Variants in MED14 observed in about 807,000 individuals in gnomAD.
MED14 encodes mediator of RNA polymerase II transcription subunit 14.
Under a neutral mutation model 109.0 loss-of-function variants are expected in MED14, and 8 were observed. The observed-to-expected ratio is 0.07, with a 90% CI of 0.04 to 0.13. The LOEUF is 0.13. Among genes scored for constraint, MED14 ranks in the 10% least tolerant of loss-of-function variants. The pLI, the probability that MED14 is intolerant of heterozygous loss-of-function variation, is 1.00. For synonymous variants in MED14, 399 were observed against 408.7 expected (o/e 0.98, Z 0.29); for missense variants, 711 against 1,142.4 (o/e 0.62, Z 5.44).
Position 40,703,447 on chromosome X carries a change from G to A in MED14, c.1408C>T (p.Leu470Phe). ...ATTATATCATTTAGTAACTTACCAA[G>A]TCCATAAAGCATCAATTGAAACATT... ...SGMFQLMLYG[L>F]DQATLDDMEK... is the part of the protein sequence containing the mutation. Residue 470 changes from leucine to phenylalanine, a missense_variant, in exon 11 of 31, where the codon CTT becomes TTT. Leu to Phe is a conservative substitution (Grantham distance 22). Coordinates refer to ENST00000324817, the MANE Select transcript of MED14 (RefSeq NM_004229.4). 1 of 1,190,889 alleles carries A rather than the reference G, an allele frequency of 8.4e-7. No individual in the cohort carries two copies. The highest frequency in any genetic ancestry group is 2.2e-5 in the Admixed American group (1 of 44,710).
At chrX:40,667,784 G>C (rs1432702407) in intron 23 of MED14, among the ~76,000 whole-genome samples, 1 of 112,337 alleles carries the variant, frequency 8.9e-6, no homozygotes, top group Non-Finnish European at 1.9e-5. Context: ...GAGAGGACTA[G>C]TGGCTTGGTA....
chrX:40,666,596 T>C, intron 24 of MED14, 124 bp downstream of exon 24: 1 of 729,316 alleles, frequency 1.4e-6, no homozygotes, highest in South Asian at 2.5e-5. Flanking sequence ...TCTTTTTGCT[T>C]GAGCAATATT....
chrX:40,669,797 T>C lies in MED14; in HGVS notation c.3133+2064A>G, dbSNP rs757614983. Among the ~76,000 whole-genome samples the C allele has an allele frequency of 3.6e-5, 4 of 111,865 alleles. No individual in the cohort carries two copies. The South Asian group carries it at 1.5e-3, about 41-fold the overall frequency. ...GCACAGTCTGCCTGAGATATCCTCC[T>C]TGTCCATGTCCCTGCACCTGGGTAA... On this transcript the variant is annotated intron_variant, in intron 23 of 30. Transcript: ENST00000324817.
At chrX:40,681,145 AAAC>A (rs1569285417) in intron 19 of MED14, among the ~76,000 whole-genome samples, 1 of 112,517 alleles carries the variant, frequency 8.9e-6, no homozygotes, top group Non-Finnish European at 1.9e-5. Flanking sequence ...AAAGGCGCTA[AAAC>A]AACTTTATTA....
At chrX:40,671,272 T>C (rs1416559361) in intron 23 of MED14, among the ~76,000 whole-genome samples, 1 of 111,358 alleles carries the variant, frequency 9.0e-6, no homozygotes, top group East Asian at 2.8e-4. Flanking sequence ...GCTCAAGAGA[T>C]ACCACTGAAT....
intron 16 of MED14, among the ~76,000 whole-genome samples, chrX:40,683,649 C>T (rs182391735): frequency 2.7e-5 from 3 of 111,967 alleles, no homozygotes; most frequent in Admixed American, 1.9e-4. Context: ...CAGGTGCACA[C>T]CACCAAGCCT....
intron 28 of MED14, among the ~76,000 whole-genome samples, chrX:40,658,487 C>T (rs184129231): frequency 9.0e-6 from 1 of 110,534 alleles, no homozygotes; most frequent in Admixed American, 9.7e-5. Context: ...TAAATTTATA[C>T]ATAAACCATC....
At position 40,735,483 on chromosome X, in the gene MED14, C is replaced by T; in HGVS notation, c.-71G>A. On this transcript the variant is annotated 5_prime_UTR_variant, in exon 1 of 31. Coordinates refer to ENST00000324817, the MANE Select transcript of MED14 (RefSeq NM_004229.4). ...TCGAGCCTCCCGGGCGCTCGGTCACCGCGCCGAAACGGGAGCGGGCAGAGT... is the reference window on the plus strand; with the variant it reads ...TCGAGCCTCCCGGGCGCTCGGTCACTGCGCCGAAACGGGAGCGGGCAGAGT... The T allele has an allele frequency of 2.0e-6, 2 of 983,712 alleles. No individual in the cohort carries two copies. The highest frequency in any genetic ancestry group is 2.0e-5 in the South Asian group (1 of 48,890). 81.1% of individuals were successfully genotyped at this position (983,712 alleles called of 1,213,427 possible). A position where few individuals can be genotyped will look rare whatever the true frequency, so the allele number is the denominator to read the frequency against.
rs1339653230 is a variant in MED14 at position 40,651,628 on chromosome X, C to CA, written c.*177dup. On this transcript the variant is annotated 3_prime_UTR_variant, in exon 31 of 31. Transcript: ENST00000324817. ...AAACACACTATACAAGTTCATTATA[C>CA]AAAAGATGGATGATCATTTTGATGA... The CA allele has an allele frequency of 9.5e-5, 98 of 1,034,144 alleles. No individual in the cohort carries two copies. The highest frequency in any genetic ancestry group is 1.5e-4 in the Admixed American group (3 of 19,915). The allele number at this position is 1,034,144 out of a possible 1,213,427, so 85.2% of individuals were successfully genotyped here.
chrX:40,687,322 C>T (rs886586568), intron 16 of MED14, among the ~76,000 whole-genome samples: 6 of 111,658 alleles, frequency 5.4e-5, no homozygotes, highest in African/African-American at 1.6e-4. Context: ...CCTTGTGGAA[C>T]GTACCCTACT....
chrX:40,733,479 T>C (rs1932152377), intron 1 of MED14, among the ~76,000 whole-genome samples: 1 of 111,813 alleles, frequency 8.9e-6, no homozygotes, highest in Non-Finnish European at 1.9e-5. Context: ...AAAAGAATCA[T>C]CCTGGCTATT....
intron 3 of MED14, 73 bp from the exon 4 acceptor site, chrX:40,714,783 C>T: frequency 1.1e-6 from 1 of 941,878 alleles, no homozygotes; most frequent in African/African-American, 1.9e-5. Context: ...ATTGTTAAAT[C>T]ATTCCAAAGT....
chrX:40,670,697 C>A lies in MED14; in HGVS notation c.3133+1164G>T, dbSNP rs891162881. Among the ~76,000 whole-genome samples, 132 of 109,317 alleles carry A rather than the reference C, an allele frequency of 1.2e-3. 1 individual carries two copies. The highest frequency in any genetic ancestry group is 4.4e-3 in the African/African-American group (131 of 29,881). 94.9% of individuals were successfully genotyped at this position (109,317 alleles called of 115,157 possible). ...AATGGCGTGAACCCGGGAAGCGGAG[C>A]TTGCAGTGAGCCGAGATTGCGCCAC... is the stretch of plus-strand genomic sequence containing the variant. On this transcript the variant is annotated intron_variant, in intron 23 of 30. Transcript: ENST00000324817.
intron 21 of MED14, 103 bp downstream of exon 21, chrX:40,679,755 CTAAATT>C (rs1930047504): frequency 1.3e-6 from 1 of 754,839 alleles, no homozygotes; most frequent in Non-Finnish European, 1.9e-6. Flanking sequence ...CTGCTACTTA[CTAAATT>C]TAAACAGGAA....
intron 13 of MED14, among the ~76,000 whole-genome samples, chrX:40,696,133 ATTT>A (rs751400480): frequency 3.2e-5 from 3 of 93,076 alleles, no homozygotes; most frequent in Non-Finnish European, 2.2e-5. Flanking sequence ...ATATACAGAG[ATTT>A]TTTTTTTTTT....
Position 40,709,329 on chromosome X carries a change from T to G in MED14, c.1285+19A>C, listed in dbSNP as rs1178517458. Reference sequence around the variant, plus strand: ...AGTTTAAACAAAAGAAAAACAAATGTCAATTTAAAAGAACCTACAGTTTTC... The same window carrying G: ...AGTTTAAACAAAAGAAAAACAAATGGCAATTTAAAAGAACCTACAGTTTTC... On this transcript the variant is annotated intron_variant, in intron 10 of 30. Transcript: ENST00000324817. 1.2e-6 allele frequency: 1 copy of G among 822,386 alleles called. No homozygotes were observed. Among genetic ancestry groups the G allele is most frequent in the Non-Finnish European group, 1.7e-6 (1 of 592,088 alleles). The allele number at this position is 822,386 out of a possible 1,213,427, so 67.8% of individuals were successfully genotyped here.
intron 19 of MED14, among the ~76,000 whole-genome samples, 189 bp downstream of exon 19, chrX:40,681,663 T>C (rs1304490249): frequency 2.7e-5 from 3 of 112,227 alleles, no homozygotes; most frequent in African/African-American, 9.7e-5. Context: ...GTATTATTTT[T>C]GTTTTCAATT....
In MED14 at chrX:40,651,613, T is replaced by C; in HGVS notation, c.*193A>G. 9.7e-7 allele frequency: 1 copy of C among 1,028,969 alleles called. No homozygotes were observed. The allele number at this position is 1,028,969 out of a possible 1,213,427, so 84.8% of individuals were successfully genotyped here. On this transcript the variant is annotated 3_prime_UTR_variant, in exon 31 of 31. Coordinates refer to ENST00000324817, the MANE Select transcript of MED14 (RefSeq NM_004229.4). ...AAATGTGTCCCATTTAAACACACTATACAAGTTCATTATACAAAAGATGGA... is the reference window on the plus strand; with the variant it reads ...AAATGTGTCCCATTTAAACACACTACACAAGTTCATTATACAAAAGATGGA...
At chrX:40,681,803 A>T in intron 19 of MED14, 49 bp downstream of exon 19, 1 of 690,554 alleles carries the variant, frequency 1.4e-6, no homozygotes, top group Non-Finnish European at 2.2e-6. Context: ...TTAATTCTTG[A>T]TTTTTAAGAT....
Sources: allele counts gnomAD v4.1 joint callset (sites outside exome capture counted in the v4.1 genomes callset), GRCh38; gene constraint gnomAD v4.1.1; transcripts MANE v1.5; gene names NCBI Gene and HGNC (gene_info 2026-07-23, HGNC 2026-07-21).